DTNB: variants seen among roughly 807,000 people sequenced by gnomAD.
The protein encoded by DTNB is dystrobrevin beta, also known as DTN-B.
In DTNB, 63 loss-of-function variants were observed where a neutral mutation model predicts 90.7. The ratio of observed to expected loss-of-function variants is 0.69; its 90% CI spans 0.57 to 0.86. The LOEUF is 0.86. Among genes scored for constraint, DTNB ranks in the 40% least tolerant of loss-of-function variants. The pLI, the probability that DTNB is intolerant of heterozygous loss-of-function variation, is 0.00. For synonymous variants in DTNB, 277 were observed against 286.7 expected, an observed-to-expected ratio of 0.97 and a Z score of 0.34; for missense variants, 744 against 807.1, an observed-to-expected ratio of 0.92 and a Z score of 0.95.
Position 25,623,207 on chromosome 2 carries a change from G to A in DTNB, c.362+4964C>T, listed in dbSNP as rs949742846. Among the ~76,000 whole-genome samples the A allele has an allele frequency of 2.0e-5, 3 of 152,198 alleles. No individual in the cohort carries two copies. In the East Asian group the frequency reaches 5.8e-4, roughly 29 times the overall value. Reference sequence around the variant, plus strand: ...CTCTGAGCAAAAAAGAAAAGATGGGGAAAGTTTTAAAAAATCTCCTTGAAT... The same window carrying A: ...CTCTGAGCAAAAAAGAAAAGATGGGAAAAGTTTTAAAAAATCTCCTTGAAT... On this transcript the variant is annotated intron_variant, in intron 4 of 20. Transcript: ENST00000406818.
chr2:25,501,607 C>G (rs2070733880), intron 9 of DTNB, among the ~76,000 whole-genome samples: 1 of 152,110 alleles, frequency 6.6e-6, no homozygotes, highest in South Asian at 2.1e-4. Flanking sequence ...GAACTTCTGA[C>G]CTCAAGAGAT....
In DTNB at chr2:25,618,262, G is replaced by A. The variant is rs1206246581; in HGVS notation, c.362+9909C>T. Among the ~76,000 whole-genome samples, 3 of 152,296 alleles carry A rather than the reference G, an allele frequency of 2.0e-5. No individual in the cohort carries two copies. In the South Asian group the frequency reaches 6.2e-4, roughly 32 times the overall value. On this transcript the variant is annotated intron_variant, in intron 4 of 20. Transcript: ENST00000406818. The stretch of plus-strand genomic sequence containing the variant: ...TCCTCTACAACTAGAGGCAAGCAGA[G>A]AGAAAACTGCAGCTCCTCAGCACCC...
chr2:25,614,764 AAAAAC>A (rs1297689683), intron 4 of DTNB, among the ~76,000 whole-genome samples: 12 of 152,132 alleles, frequency 7.9e-5, no homozygotes, highest in African/African-American at 2.4e-4. Context: ...GGAGGCGGGG[AAAAAC>A]AAAACAAAAC....
At position 25,667,217 on chromosome 2, in the gene DTNB, G is replaced by C. The variant is rs146058732; in HGVS notation, c.-2+6169C>G. 4.5e-3 allele frequency among the ~76,000 whole-genome samples: 680 copies of C among 152,132 alleles called. 6 individuals are homozygous for C. The highest frequency in any genetic ancestry group is 0.016 in the African/African-American group (660 of 41,530). The stretch of plus-strand genomic sequence containing the variant: ...ATGGGTCTGTAATTTGGCTGGGTGT[G>C]GTGGCTCACGTCTTTAATCCCAACA... On this transcript the variant is annotated intron_variant, in intron 1 of 20. Coordinates refer to ENST00000406818, the MANE Select transcript of DTNB (RefSeq NM_021907.5).
At chr2:25,590,396 G>C (rs2063331486) in intron 6 of DTNB, among the ~76,000 whole-genome samples, 1 of 152,200 alleles carries the variant, frequency 6.6e-6, no homozygotes, top group Non-Finnish European at 1.5e-5. Context: ...TTGAGCAATA[G>C]AACAGTTCGG....
chr2:25,580,209 G>C (rs1455869158), intron 7 of DTNB, among the ~76,000 whole-genome samples: 1 of 151,858 alleles, frequency 6.6e-6, no homozygotes, highest in Non-Finnish European at 1.5e-5. Flanking sequence ...TGGAACTCCT[G>C]ATCACAAGTG....
rs139608303 is a variant in DTNB at position 25,561,273 on chromosome 2, C to T, written c.876+15565G>A. Among the ~76,000 whole-genome samples the T allele has an allele frequency of 1.2e-4, 18 of 152,262 alleles. 1 individual carries two copies. The highest frequency in any genetic ancestry group is 1.2e-3 in the East Asian group (6 of 5,190). ...CCCCTCCTTGCCACTTCTCTTCCTT[C>T]GTCATACTTTTCTATCAAAACCCAA... On this transcript the variant is annotated intron_variant, in intron 8 of 20. Transcript: ENST00000406818.
intron 9 of DTNB, among the ~76,000 whole-genome samples, chr2:25,529,836 A>G (rs2077820086): frequency 6.6e-6 from 1 of 152,216 alleles, no homozygotes; most frequent in Non-Finnish European, 1.5e-5. Flanking sequence ...CCCTTGATCA[A>G]TCTCAGAAGA....
chr2:25,609,182 A>G (rs1382224587), intron 4 of DTNB, among the ~76,000 whole-genome samples: 2 of 152,258 alleles, frequency 1.3e-5, no homozygotes, highest in East Asian at 3.8e-4. Flanking sequence ...TTAATTAGCC[A>G]GAGATGGTAT....
At chr2:25,653,771 C>T (rs937530621) in intron 1 of DTNB, among the ~76,000 whole-genome samples, 5 of 152,024 alleles carry the variant, frequency 3.3e-5, no homozygotes, top group Admixed American at 1.3e-4. Context: ...CTCAGCCTCC[C>T]AAAGTGCTGA....
chr2:25,457,166 C>T (rs189556229), intron 10 of DTNB, among the ~76,000 whole-genome samples: 3 of 152,178 alleles, frequency 2.0e-5, no homozygotes, highest in African/African-American at 4.8e-5. Context: ...TGCGCCACCA[C>T]GCCCAGCTAA....
intron 5 of DTNB, among the ~76,000 whole-genome samples, chr2:25,598,468 T>C (rs2148429365): frequency 6.6e-6 from 1 of 152,302 alleles, no homozygotes; most frequent in East Asian, 1.9e-4. Flanking sequence ...TGCAACAAAC[T>C]CTAACACTAA....
intron 1 of DTNB, among the ~76,000 whole-genome samples, chr2:25,654,147 G>A (rs1284648142): frequency 6.6e-6 from 1 of 152,186 alleles, no homozygotes; most frequent in Non-Finnish European, 1.5e-5. Context: ...AGGGCCAAGA[G>A]ATTCCAAAGC....
intron 13 of DTNB, among the ~76,000 whole-genome samples, 169 bp downstream of exon 13, chr2:25,433,739 CAG>C (rs2054735789): frequency 1.3e-5 from 2 of 152,096 alleles, no homozygotes; most frequent in Non-Finnish European, 2.9e-5. Context: ...AGCATGCAGA[CAG>C]ACACAAATCA....
chr2:25,553,017 C>T (rs1027633915), intron 8 of DTNB, among the ~76,000 whole-genome samples: 4 of 151,110 alleles, frequency 2.6e-5, no homozygotes, highest in East Asian at 3.9e-4. Flanking sequence ...CCCGCCACCA[C>T]GCCCGGCTAA....
At chr2:25,483,856 T>A (rs1030621829) in intron 9 of DTNB, among the ~76,000 whole-genome samples, 18 of 152,244 alleles carry the variant, frequency 1.2e-4, no homozygotes, top group Non-Finnish European at 2.9e-5. Context: ...CACAATGATG[T>A]TTAGGTCAAT....
At chr2:25,415,041 G>A (rs2047549778) in intron 16 of DTNB, among the ~76,000 whole-genome samples, 1 of 152,098 alleles carries the variant, frequency 6.6e-6, no homozygotes, top group Admixed American at 6.5e-5. Flanking sequence ...AGGAAAGACA[G>A]AAGAATCAGT....
At chr2:25,479,709 A>G (rs1343857380) in intron 10 of DTNB, among the ~76,000 whole-genome samples, 1 of 152,200 alleles carries the variant, frequency 6.6e-6, no homozygotes, top group African/African-American at 2.4e-5. Flanking sequence ...GACTAACAGC[A>G]TTACTTTTGG....
At chr2:25,519,366 AC>A (rs1392351847) in intron 9 of DTNB, among the ~76,000 whole-genome samples, 17 of 137,084 alleles carry the variant, frequency 1.2e-4, no homozygotes, top group African/African-American at 3.5e-4. Context: ...CCCTGTTTCT[AC>A]TTTTTTTTTT....
Sources: gnomAD v4.1 joint callset for allele counts (sites outside exome capture counted in the v4.1 genomes callset) on GRCh38, gnomAD v4.1.1 for gene constraint, MANE v1.5 for transcripts, NCBI Gene and HGNC (gene_info 2026-07-23, HGNC 2026-07-21) for gene names.